The following CHN1 variants were observed in gnomAD, a reference collection of about 807,000 sequenced individuals.
CHN1 encodes the protein chimerin 1, also known as N-chimaerin.
Under a neutral mutation model 59.5 loss-of-function variants are expected in CHN1, and 37 were observed. That is an observed-to-expected ratio of 0.62 (90% CI 0.48 to 0.82). The LOEUF (loss-of-function observed/expected upper bound fraction) is 0.82, where lower values mean the gene tolerates loss of function less well. Ranked by LOEUF, CHN1 falls within the 40% of genes least tolerant of loss-of-function variation. The pLI, the probability that CHN1 is intolerant of heterozygous loss-of-function variation, is 0.00. For synonymous variants in CHN1, 206 were observed against 200.4 expected, an observed-to-expected ratio of 1.03 and a Z score of -0.24; for missense variants, 469 against 571.0, an observed-to-expected ratio of 0.82 and a Z score of 1.82.
Position 174,807,470 on chromosome 2 carries a change from G to A in CHN1, c.1102+1435C>T, listed in dbSNP as rs879460396. On this transcript the variant is annotated intron_variant, in intron 11 of 12. Transcript: ENST00000409900. The stretch of plus-strand genomic sequence containing the variant: ...TCTGTGTGTGTGTGTGTGTGTGTGT[G>A]TGTGTGTGTGTGTGTGTGTGTGTGT... 7.6e-5 allele frequency among the ~76,000 whole-genome samples: 11 copies of A among 144,086 alleles called. No homozygotes were observed. In the Admixed American group the frequency reaches 7.7e-4, roughly 10 times the overall value. The allele number at this position is 144,086 out of a possible 152,430, so 94.5% of individuals were successfully genotyped here.
At chr2:174,866,481 C>CA (rs1300066287) in intron 6 of CHN1, among the ~76,000 whole-genome samples, 3 of 151,552 alleles carry the variant, frequency 2.0e-5, no homozygotes, top group Non-Finnish European at 2.9e-5. Context: ...ACACTGCTTC[C>CA]AAAAAAAAGC....
In CHN1 at chr2:174,801,789, A is replaced by G. The variant is rs765007155; in HGVS notation, c.1126T>C (p.Leu376=). The G allele has an allele frequency of 3.7e-6, 6 of 1,613,144 alleles. No homozygotes were observed. The highest frequency in any genetic ancestry group is 5.1e-6 in the Non-Finnish European group (6 of 1,179,234). ...TTCAGTGCTTCATGAAGGGTTTCCAATTGCTCATCCGGATCCATAATTTCT... is the reference window on the plus strand; with the variant it reads ...TTCAGTGCTTCATGAAGGGTTTCCAGTTGCTCATCCGGATCCATAATTTCT... The part of the protein sequence containing the change: ...SAKIMDPDEQ[L]ETLHEALKLL... Residue 376 remains leucine (L), a synonymous_variant, in exon 12 of 13, where the codon TTG becomes CTG. Transcript: ENST00000409900.
chr2:174,878,369 A>T (rs976809215), intron 5 of CHN1, among the ~76,000 whole-genome samples: 3 of 152,080 alleles, frequency 2.0e-5, no homozygotes, highest in Admixed American at 6.6e-5. Flanking sequence ...CATAGAAATA[A>T]TTTTTTTTAT....
intron 6 of CHN1, among the ~76,000 whole-genome samples, 190 bp downstream of exon 6, chr2:174,877,650 T>C (rs913468180): frequency 1.3e-5 from 2 of 152,094 alleles, no homozygotes; most frequent in African/African-American, 4.8e-5. Context: ...AATATAAAAA[T>C]TTACCTAACA....
chr2:174,883,347 G>C (rs188122299), intron 5 of CHN1, among the ~76,000 whole-genome samples: 58 of 152,232 alleles, frequency 3.8e-4, no homozygotes, highest in Admixed American at 1.0e-3. Context: ...TGAAAACTAA[G>C]TGAAAGTTTT....
At position 174,960,809 on chromosome 2, in the gene CHN1, G is replaced by A. The variant is rs538996556; in HGVS notation, c.20-8607C>T. Among the ~76,000 whole-genome samples, 12 of 151,618 alleles carry A rather than the reference G, an allele frequency of 7.9e-5. No homozygotes were observed. The East Asian group carries it at 9.8e-4, about 12-fold the overall frequency. ...TGTACTCTGACCTGGGCGACAGAGC[G>A]TGACTCCGTCTCAAAAAAAATGAAA... On this transcript the variant is annotated intron_variant, in intron 1 of 12. Transcript: ENST00000409900.
intron 2 of CHN1, 23 bp downstream of exon 2, chr2:174,952,141 C>A: frequency 7.3e-7 from 1 of 1,375,380 alleles, no homozygotes; most frequent in South Asian, 1.7e-5. Context: ...CACTATAACC[C>A]ACACAATTAT....
chr2:174,875,980 C>A (rs1687552047), intron 6 of CHN1: 1 of 237,982 alleles, frequency 4.2e-6, no homozygotes, highest in African/African-American at 2.3e-5. Flanking sequence ...TTATGTACTG[C>A]CGCAGAGAGA....
chr2:174,819,820 C>G (rs1685419544), intron 8 of CHN1, among the ~76,000 whole-genome samples: 1 of 110,708 alleles, frequency 9.0e-6, no homozygotes, highest in South Asian at 4.0e-4. Flanking sequence ...CCCCCTCCCC[C>G]CACCCCACAA....
Position 174,812,407 on chromosome 2 carries a change from T to A in CHN1, c.788A>T (p.Lys263Ile). ...NDCKPDLKHV[K>I]KVYSCDLTTL... Reference sequence around the variant, plus strand: ...CGTAAGGTCACAGCTGTACACCTTTTTGACATGCTTCAAGTCTGGCTTACA... The same window carrying A: ...CGTAAGGTCACAGCTGTACACCTTTATGACATGCTTCAAGTCTGGCTTACA... Residue 263 changes from lysine to isoleucine, a missense_variant, in exon 9 of 13, where the codon AAA (lysine) becomes ATA (isoleucine). Lys to Ile is a moderately radical substitution (Grantham distance 102). Coordinates refer to ENST00000409900, the MANE Select transcript of CHN1 (RefSeq NM_001822.7). 1 of 1,614,026 alleles carries A rather than the reference T, an allele frequency of 6.2e-7. No homozygotes were observed. Among genetic ancestry groups the A allele is most frequent in the Non-Finnish European group, 8.5e-7 (1 of 1,179,894 alleles).
intron 2 of CHN1, among the ~76,000 whole-genome samples, chr2:174,949,511 C>T (rs146764750): frequency 4.5e-4 from 69 of 152,082 alleles, no homozygotes; most frequent in South Asian, 1.0e-3. Flanking sequence ...AGTACAACAC[C>T]ATGCCCAGCT....
chr2:174,881,840 G>A (rs527779249), intron 5 of CHN1, among the ~76,000 whole-genome samples: 81 of 152,264 alleles, frequency 5.3e-4, no homozygotes, highest in Non-Finnish European at 6.6e-4. Context: ...AGTGCAAATC[G>A]GGTAGGAGGA....
At chr2:174,863,577 A>G (rs918298954) in intron 6 of CHN1, among the ~76,000 whole-genome samples, 6 of 152,204 alleles carry the variant, frequency 3.9e-5, no homozygotes, top group African/African-American at 1.4e-4. Flanking sequence ...TATAAAATAT[A>G]TTTTAATTTC....
rs546858500 is a variant in CHN1 at position 174,993,394 on chromosome 2, GT to G, written c.19+11499del. Among the ~76,000 whole-genome samples, 829 of 152,202 alleles carry G rather than the reference GT, an allele frequency of 5.4e-3. 5 individuals are homozygous for G. The highest frequency in any genetic ancestry group is 0.02 in the Middle Eastern group (6 of 294). On this transcript the variant is annotated intron_variant, in intron 1 of 12. Coordinates refer to ENST00000409900, the MANE Select transcript of CHN1 (RefSeq NM_001822.7). ...GCTGCTTTAACAAGCGTTAGAATAA[GT>G]TTTTCTTTAACAGTTGTCAATCTCT...
At chr2:174,989,268 C>A (rs892612631) in intron 1 of CHN1, among the ~76,000 whole-genome samples, 3 of 151,700 alleles carry the variant, frequency 2.0e-5, no homozygotes, top group African/African-American at 4.8e-5. Context: ...CCCAGCTACT[C>A]GGGAGGCTAA....
intron 1 of CHN1, among the ~76,000 whole-genome samples, chr2:174,996,491 C>T (rs1691715493): frequency 6.6e-6 from 1 of 152,188 alleles, no homozygotes; most frequent in Non-Finnish European, 1.5e-5. Context: ...AAAATAATCT[C>T]ATTTATTCCT....
At chr2:174,894,767 T>C (rs963225165) in intron 5 of CHN1, among the ~76,000 whole-genome samples, 18 of 152,108 alleles carry the variant, frequency 1.2e-4, no homozygotes, top group African/African-American at 4.3e-4. Flanking sequence ...GGTACAGTAG[T>C]CCACCTCATA....
chr2:174,833,004 A>C (rs1458029524), intron 7 of CHN1, among the ~76,000 whole-genome samples: 1 of 152,174 alleles, frequency 6.6e-6, no homozygotes, highest in East Asian at 1.9e-4. Flanking sequence ...TTGTTGACTG[A>C]AACAGTTATA....
chr2:174,934,759 G>T (rs921954789), intron 3 of CHN1, among the ~76,000 whole-genome samples: 24 of 152,204 alleles, frequency 1.6e-4, no homozygotes, highest in African/African-American at 5.5e-4. Context: ...AAGATTAGGA[G>T]AGTTGACTGG....
Sources: gnomAD v4.1 joint callset for allele counts (sites outside exome capture counted in the v4.1 genomes callset) on GRCh38, gnomAD v4.1.1 for gene constraint, MANE v1.5 for transcripts, NCBI Gene and HGNC (gene_info 2026-07-23, HGNC 2026-07-21) for gene names.